FGF8: variants seen among roughly 807,000 people sequenced by gnomAD.
The protein encoded by FGF8 is fibroblast growth factor 8.
In FGF8, 12 loss-of-function variants were observed where a neutral mutation model predicts 29.7. The observed-to-expected ratio is 0.40, with a 90% CI of 0.26 to 0.65. FGF8 has a LOEUF of 0.65. Ranked by LOEUF, FGF8 falls within the 30% of genes least tolerant of loss-of-function variation. The probability of loss-of-function intolerance (pLI) is 0.37; values close to 1 mark genes in which losing one functional copy is unlikely to be tolerated. For missense variants in FGF8, 271 were observed against 345.1 expected (o/e 0.79, Z 1.70); for synonymous variants, 157 against 144.4 (o/e 1.09, Z -0.63).
rs606231408 is a variant in FGF8, at chr10:101,774,832, G to C, written c.237C>G (p.Leu79=). The change falls in exon 4 of 6, where the codon CTC becomes CTG. Residue 79 remains leucine (L), a synonymous_variant. Transcript: ENST00000320185. ...SLVTDQLSRR[L]IRTYQLYSRT... Reference sequence around the variant, plus strand: ...GGCTGTAGAGTTGGTAGGTCCGGATGAGGCGGCGGCTGAGCTGATCCGTCA... The same window carrying C: ...GGCTGTAGAGTTGGTAGGTCCGGATCAGGCGGCGGCTGAGCTGATCCGTCA... The C allele has an allele frequency of 4.6e-5, 74 of 1,613,704 alleles. No homozygotes were observed. The South Asian group carries it at 7.8e-4, about 17-fold the overall frequency.
At chr10:101,778,781 CG>C (rs1342874878), upstream of FGF8, among the ~76,000 whole-genome samples, 10 of 152,234 alleles carry the variant, frequency 6.6e-5, no homozygotes, top group Non-Finnish European at 8.8e-5. Flanking sequence ...AATGTCCCGC[CG>C]GGCCCCCGCA....
chr10:101,779,060 G>T (rs1223730483), upstream of FGF8, among the ~76,000 whole-genome samples: 2 of 151,650 alleles, frequency 1.3e-5, no homozygotes, highest in Non-Finnish European at 2.9e-5. The surrounding 1 kb of genome is among the most constrained non-coding windows in gnomAD (Gnocchi z 5.7). Context: ...CACACTCCTC[G>T]CCAACACAAA....
chr10:101,775,010 A>G lies in FGF8; in HGVS notation c.157-98T>C. The G allele has an allele frequency of 6.6e-7, 1 of 1,522,038 alleles. No homozygotes were observed. The highest frequency in any genetic ancestry group is 1.2e-5 in the South Asian group (1 of 86,336). The allele number at this position is 1,522,038 out of a possible 1,614,324, so 94.3% of individuals were successfully genotyped here. ...ACCCTGCGTCCCCCTCACTGCCCCA[A>G]GCCGCCAGCAGGTGCTGGGGGTTCC... On this transcript the variant is annotated intron_variant, in intron 3 of 5. Coordinates refer to ENST00000320185, the MANE Select transcript of FGF8 (RefSeq NM_033163.5). The surrounding 1 kb of genome is among the most constrained non-coding windows in gnomAD (Gnocchi z 4.6).
chr10:101,772,388 A>T lies in FGF8; in HGVS notation c.338-819T>A, dbSNP rs1264244732. ...CTTCTGTGGGTGAGGAGGAGGGAGAATCCTGCCTGCTGGCCTCTTAGACTG... is the reference window on the plus strand; with the variant it reads ...CTTCTGTGGGTGAGGAGGAGGGAGATTCCTGCCTGCTGGCCTCTTAGACTG... On this transcript the variant is annotated intron_variant, in intron 4 of 5. Coordinates refer to ENST00000320185, the MANE Select transcript of FGF8 (RefSeq NM_033163.5). The surrounding 1 kb of genome is among the most constrained non-coding windows in gnomAD (Gnocchi z 4.4). 6.6e-6 allele frequency among the ~76,000 whole-genome samples: 1 copy of T among 152,164 alleles called. No homozygotes were observed. The highest frequency in any genetic ancestry group is 2.1e-4 in the South Asian group (1 of 4,822).
In FGF8 at chr10:101,772,832, T is replaced by A. The variant is rs1020677002; in HGVS notation, c.338-1263A>T. On this transcript the variant is annotated intron_variant, in intron 4 of 5. Coordinates refer to ENST00000320185, the MANE Select transcript of FGF8 (RefSeq NM_033163.5). The surrounding 1 kb of genome is among the most constrained non-coding windows in gnomAD (Gnocchi z 4.4). ...GTTTGGCCCCAAGTCAGCAGGGAAA[T>A]GCAGCTGTCACCTCCCTGCCTGCCC... Among the ~76,000 whole-genome samples the A allele has an allele frequency of 3.9e-5, 6 of 152,142 alleles. No individual in the cohort carries two copies. Among genetic ancestry groups the A allele is most frequent in the African/African-American group, 1.4e-4 (6 of 41,424 alleles).
At position 101,770,599 on chromosome 10, in the gene FGF8, G is replaced by A; in HGVS notation, c.465C>T (p.Asp155=). The A allele has an allele frequency of 6.2e-7, 1 of 1,611,314 alleles. No homozygotes were observed. The highest frequency in any genetic ancestry group is 2.2e-5 in the East Asian group (1 of 44,878). Residue 155 remains aspartate, a synonymous_variant, in exon 6 of 6, where the codon GAC becomes GAT. Coordinates refer to ENST00000320185, the MANE Select transcript of FGF8 (RefSeq NM_033163.5). ...CCAGCACAATCTCCGTGAAGACGCAGTCCTTGCCTTTGCCGTTGCTCTGCA... is the reference window on the plus strand; with the variant it reads ...CCAGCACAATCTCCGTGAAGACGCAATCCTTGCCTTTGCCGTTGCTCTGCA... The part of the protein sequence containing the change: ...LIAKSNGKGK[D]CVFTEIVLEN...
upstream of FGF8, among the ~76,000 whole-genome samples, chr10:101,779,460 G>A (rs1267680922): frequency 1.3e-5 from 2 of 152,256 alleles, no homozygotes; most frequent in Non-Finnish European, 2.9e-5. This position sits in a 1 kb window ranked among gnomAD's most constrained non-coding sequence, Gnocchi z 5.7. Flanking sequence ...AGGGCTCGAG[G>A]AGAGGCTGGG....
At position 101,772,073 on chromosome 10, in the gene FGF8, C is replaced by T. The variant is rs2065034554; in HGVS notation, c.338-504G>A. On this transcript the variant is annotated intron_variant, in intron 4 of 5. Transcript: ENST00000320185. The surrounding 1 kb of genome is among the most constrained non-coding windows in gnomAD (Gnocchi z 4.4). The stretch of plus-strand genomic sequence containing the variant: ...AAGATGAAAGCATTGTCTCCTGTTT[C>T]TGCCACTTTGGGTTCTAACTCACAG... Among the ~76,000 whole-genome samples, 1 of 152,206 alleles carries T rather than the reference C, an allele frequency of 6.6e-6. No individual in the cohort carries two copies. The highest frequency in any genetic ancestry group is 2.1e-4 in the South Asian group (1 of 4,834).
chr10:101,772,249 T>A lies in FGF8; in HGVS notation c.338-680A>T, dbSNP rs1352063856. On this transcript the variant is annotated intron_variant, in intron 4 of 5. Transcript: ENST00000320185. This position sits in a 1 kb window ranked among gnomAD's most constrained non-coding sequence, Gnocchi z 4.4. Reference sequence around the variant, plus strand: ...TGCCAGGAGGATCCTGCCTCTTCCCTGTGGCTTCCCAGTCACCAGGGTCCC... The same window carrying A: ...TGCCAGGAGGATCCTGCCTCTTCCCAGTGGCTTCCCAGTCACCAGGGTCCC... 6.6e-6 allele frequency among the ~76,000 whole-genome samples: 1 copy of A among 152,234 alleles called. No individual in the cohort carries two copies.
In FGF8 at chr10:101,775,062, C is replaced by T. The variant is rs1291317719; in HGVS notation, c.156+68G>A. The T allele has an allele frequency of 5.3e-6, 8 of 1,501,928 alleles. No homozygotes were observed. Among genetic ancestry groups the T allele is most frequent in the Non-Finnish European group, 3.6e-6 (4 of 1,102,940 alleles). The allele number at this position is 1,501,928 out of a possible 1,614,324, so 93.0% of individuals were successfully genotyped here. A position where few individuals can be genotyped will look rare whatever the true frequency, so the allele number is the denominator to read the frequency against. On this transcript the variant is annotated intron_variant, in intron 3 of 5. Transcript: ENST00000320185. This position sits in a 1 kb window ranked among gnomAD's most constrained non-coding sequence, Gnocchi z 4.6. ...CCAACATGCCAGCCCAGGCCACCAT[C>T]CCCCACCCACGCAAGTCGGGCAGAC...
In FGF8 at chr10:101,770,413, G is replaced by C; in HGVS notation, c.651C>G (p.Ser217Arg). ...LPRGHHTTEQSLRFEFLNYPP... is the reference protein window; with the variant it reads ...LPRGHHTTEQRLRFEFLNYPP... ...GGTAGTTGAGGAACTCGAAGCGCAG[G>C]CTCTGCTCGGTGGTGTGGTGGCCCC... Residue 217 changes from serine to arginine, a missense_variant, in exon 6 of 6, where the codon AGC becomes AGG. By Grantham distance (110) the Ser-to-Arg change is moderately radical. Transcript: ENST00000320185. 1 of 1,608,140 alleles carries C rather than the reference G, an allele frequency of 6.2e-7. No individual in the cohort carries two copies. Among genetic ancestry groups the C allele is most frequent in the Non-Finnish European group, 8.5e-7 (1 of 1,177,642 alleles).
chr10:101,775,290 G>C lies in FGF8; in HGVS notation c.70-74C>G. ...CTGACATTTATAAAGACAAATTTACGGAGCAAATGTTGAGAGTGCAGGGAA... is the reference window on the plus strand; with the variant it reads ...CTGACATTTATAAAGACAAATTTACCGAGCAAATGTTGAGAGTGCAGGGAA... On this transcript the variant is annotated intron_variant, in intron 2 of 5. Transcript: ENST00000320185. The surrounding 1 kb of genome is among the most constrained non-coding windows in gnomAD (Gnocchi z 4.6). The C allele has an allele frequency of 9.0e-7, 1 of 1,116,104 alleles. No individual in the cohort carries two copies. Among genetic ancestry groups the C allele is most frequent in the East Asian group, 2.6e-5 (1 of 38,860 alleles). The allele number at this position is 1,116,104 out of a possible 1,614,324, so 69.1% of individuals were successfully genotyped here. A position where few individuals can be genotyped will look rare whatever the true frequency, so the allele number is the denominator to read the frequency against.
At chr10:101,778,812 G>T (rs1025302997), upstream of FGF8, among the ~76,000 whole-genome samples, 1 of 152,146 alleles carries the variant, frequency 6.6e-6, no homozygotes, top group African/African-American at 2.4e-5. Flanking sequence ...CTCCCTTGCT[G>T]GCTCGCCCGC....
intron 4 of FGF8, among the ~76,000 whole-genome samples, chr10:101,774,380 T>A (rs1396559971): frequency 6.6e-6 from 1 of 152,204 alleles, no homozygotes. Context: ...CCCACTCTCC[T>A]TTTGTGGGCC....
upstream of FGF8, among the ~76,000 whole-genome samples, chr10:101,778,433 C>G (rs1180853666): frequency 6.6e-6 from 1 of 152,240 alleles, no homozygotes; most frequent in Non-Finnish European, 1.5e-5. Context: ...TCAGCTCCAG[C>G]TGTGGAACCC....
chr10:101,776,854 C>CA (rs539508827), upstream of FGF8, among the ~76,000 whole-genome samples: 4 of 123,980 alleles, frequency 3.2e-5, no homozygotes, highest in Admixed American at 7.9e-5. Flanking sequence ...GTGCCCCTCA[C>CA]CACACACACA....
rs776130344 is a variant in FGF8 at position 101,775,164 on chromosome 10, C to T, written c.122G>A (p.Arg41Gln). Residue 41 changes from arginine to glutamine, a missense_variant, in exon 3 of 6, where the codon CGG becomes CAG. Physicochemically the swap from Arg to Gln is conservative, Grantham distance 43. Coordinates refer to ENST00000320185, the MANE Select transcript of FGF8 (RefSeq NM_033163.5). The surrounding 1 kb of genome is among the most constrained non-coding windows in gnomAD (Gnocchi z 4.6). ...GACACCCTGGGGCTCCCGGCCAGCC[C>T]GGAACAGGGAAGCGAGCTCCCTGCC... ...ALGRELASLF[R>Q]AGREPQGVSQ... The T allele has an allele frequency of 2.5e-5, 39 of 1,547,564 alleles. No individual in the cohort carries two copies. Among genetic ancestry groups the T allele is most frequent in the South Asian group, 8.3e-5 (7 of 84,002 alleles).
Position 101,770,151 on chromosome 10 carries a change from A to C in FGF8, c.*178T>G. On this transcript the variant is annotated 3_prime_UTR_variant, in exon 6 of 6. Coordinates refer to ENST00000320185, the MANE Select transcript of FGF8 (RefSeq NM_033163.5). ...GCCTCTCTTTTGTTTTAAAAAAAAA[A>C]AAAAAAAAAAAAACAGCAAAAACCC... The C allele has an allele frequency of 7.6e-6, 4 of 524,464 alleles. No homozygotes were observed. The South Asian group carries it at 1.1e-4, about 15-fold the overall frequency. 32.5% of individuals were successfully genotyped at this position (524,464 alleles called of 1,614,324 possible).
chr10:101,771,606 C>T lies in FGF8; in HGVS notation c.338-37G>A, dbSNP rs561071374. 2.7e-5 allele frequency: 42 copies of T among 1,543,210 alleles called. No individual in the cohort carries two copies. The Middle Eastern group carries it at 5.0e-4, about 19-fold the overall frequency. On this transcript the variant is annotated intron_variant, in intron 4 of 5. Transcript: ENST00000320185. This position sits in a 1 kb window ranked among gnomAD's most constrained non-coding sequence, Gnocchi z 5.3. ...GGTAGCAGGATGGCTATTGGCAGAT[C>T]CCTGACCCCAGCTGGCCCACACACT...
Sources: allele counts gnomAD v4.1 joint callset (sites outside exome capture counted in the v4.1 genomes callset), GRCh38; gene constraint gnomAD v4.1.1; non-coding constraint Gnocchi (gnomAD v3.1); transcripts MANE v1.5; gene names NCBI Gene and HGNC (gene_info 2026-07-23, HGNC 2026-07-21).